The following ENOX2 variants were observed in gnomAD, a reference collection of about 807,000 sequenced individuals.
ENOX2 encodes the protein APK1 antigen.
A neutral mutation model predicts 45.0 loss-of-function variants in ENOX2; 36 were observed. That is an observed-to-expected ratio of 0.80 (90% confidence interval 0.61 to 1.06). The LOEUF (loss-of-function observed/expected upper bound fraction) is 1.06. Ranked by LOEUF, ENOX2 falls within the 50% of genes least tolerant of loss-of-function variation. The pLI is 0.00. For missense variants in ENOX2, 423 were observed against 462.5 expected (o/e 0.91, Z 0.78); for synonymous variants, 174 against 152.3 (o/e 1.14, Z -1.05).
intron 2 of ENOX2, among the ~76,000 whole-genome samples, chrX:130,896,312 T>C (rs1441113217): frequency 9.0e-6 from 1 of 111,122 alleles, no homozygotes; most frequent in African/African-American, 3.3e-5. Context: ...CATTTGCTTA[T>C]CAGCTATCTG....
intron 3 of ENOX2, among the ~76,000 whole-genome samples, chrX:130,774,518 T>C (rs2039808904): frequency 8.9e-6 from 1 of 112,033 alleles, no homozygotes; most frequent in Non-Finnish European, 1.9e-5. Context: ...AATAATATAT[T>C]TGAAATACAT....
At chrX:130,741,652 C>T (rs2038983939) in intron 3 of ENOX2, among the ~76,000 whole-genome samples, 1 of 111,360 alleles carries the variant, frequency 9.0e-6, no homozygotes, top group South Asian at 3.8e-4. Flanking sequence ...ACAACATAAT[C>T]CCAGGAAAGA....
intron 3 of ENOX2, among the ~76,000 whole-genome samples, chrX:130,762,415 C>CA (rs936717621): frequency 1.8e-5 from 2 of 110,539 alleles, no homozygotes; most frequent in African/African-American, 6.6e-5. Context: ...CCTGTCACTA[C>CA]AAAAAAAAAT....
At chrX:130,864,932 A>T (rs2078467898) in intron 2 of ENOX2, among the ~76,000 whole-genome samples, 2 of 111,149 alleles carry the variant, frequency 1.8e-5, no homozygotes. Flanking sequence ...GAATTGCTTG[A>T]ACACGGGAGG....
chrX:130,759,270 A>G (rs760563786), intron 3 of ENOX2, among the ~76,000 whole-genome samples: 1 of 111,175 alleles, frequency 9.0e-6, no homozygotes, highest in East Asian at 2.8e-4. Context: ...TTACCCATGG[A>G]TGTCCAATTT....
At chrX:130,837,134 C>CA (rs1473874819) in intron 2 of ENOX2, among the ~76,000 whole-genome samples, 1 of 112,253 alleles carries the variant, frequency 8.9e-6, no homozygotes. Flanking sequence ...ATTTGGATTA[C>CA]AAATTATTAC....
At chrX:130,779,997 A>G (rs2039935587) in intron 3 of ENOX2, among the ~76,000 whole-genome samples, 2 of 111,799 alleles carry the variant, frequency 1.8e-5, no homozygotes, top group Admixed American at 9.5e-5. Flanking sequence ...TGTACTAGGC[A>G]CTGACAGTTG....
At chrX:130,695,121 T>C (rs2037721952) in intron 4 of ENOX2, among the ~76,000 whole-genome samples, 1 of 111,880 alleles carries the variant, frequency 8.9e-6, no homozygotes, top group African/African-American at 3.3e-5. Context: ...CACAGTTTCA[T>C]AGAGAAAGAC....
intron 4 of ENOX2, among the ~76,000 whole-genome samples, chrX:130,700,370 CT>C (rs1406208310): frequency 2.7e-4 from 30 of 112,269 alleles, no homozygotes; most frequent in African/African-American, 9.4e-4. Context: ...TTAACTTTCC[CT>C]GGAGCATGGT....
At position 130,747,983 on chromosome X, in the gene ENOX2, T is replaced by C. The variant is rs139552291; in HGVS notation, c.-39+35564A>G. 5.0e-3 allele frequency among the ~76,000 whole-genome samples: 560 copies of C among 112,288 alleles called. 2 individuals carry two copies. Among genetic ancestry groups the C allele is most frequent in the African/African-American group, 0.017 (537 of 30,904 alleles). On this transcript the variant is annotated intron_variant, in intron 3 of 14. Coordinates refer to ENST00000394363, the MANE Select transcript of ENOX2 (RefSeq NM_006375.4). ...GATTACAAGCAAATGTAGAGTTACA[T>C]AGTTAGAGGAAAATACTCATTAGGC...
intron 2 of ENOX2, among the ~76,000 whole-genome samples, chrX:130,815,784 T>C (rs1471066054): frequency 8.9e-6 from 1 of 111,922 alleles, no homozygotes; most frequent in East Asian, 2.8e-4. Flanking sequence ...TACCAGCCAC[T>C]GCAAAAACAT....
chrX:130,879,976 C>T (rs1259775389), intron 2 of ENOX2, among the ~76,000 whole-genome samples: 3 of 111,852 alleles, frequency 2.7e-5, no homozygotes, highest in African/African-American at 9.7e-5. Flanking sequence ...CTTTAGTCCT[C>T]AAAACAAAAG....
chrX:130,888,141 G>A (rs2078938353), intron 2 of ENOX2, among the ~76,000 whole-genome samples: 1 of 111,642 alleles, frequency 9.0e-6, no homozygotes, highest in African/African-American at 3.3e-5. Context: ...ATTTAACACT[G>A]AAAAACAAAT....
At chrX:130,694,996 T>C (rs181242348) in intron 4 of ENOX2, among the ~76,000 whole-genome samples, 1 of 112,078 alleles carries the variant, frequency 8.9e-6, no homozygotes, top group East Asian at 2.8e-4. Flanking sequence ...TAATATTCCC[T>C]ATTTTACAGA....
At position 130,736,006 on chromosome X, in the gene ENOX2, CTTTCTTCACATT is replaced by C. The variant is rs753506654; in HGVS notation, c.-38-32764_-38-32753del. Reference sequence around the variant, plus strand: ...TGTGATTGTGAATGATTTTTCACATCTTTCTTCACATTTTTCTTCTAAATTTTTAAGCAGTAG... The same window carrying C: ...TGTGATTGTGAATGATTTTTCACATCTTTCTTCTAAATTTTTAAGCAGTAG... On this transcript the variant is annotated intron_variant, in intron 3 of 14. Coordinates refer to ENST00000394363, the MANE Select transcript of ENOX2 (RefSeq NM_006375.4). Among the ~76,000 whole-genome samples the C allele has an allele frequency of 1.7e-3, 189 of 111,938 alleles. 1 individual carries two copies. The highest frequency in any genetic ancestry group is 2.7e-3 in the Non-Finnish European group (146 of 53,187).
chrX:130,703,740 C>G (rs2037965900), intron 3 of ENOX2, among the ~76,000 whole-genome samples: 1 of 111,508 alleles, frequency 9.0e-6, no homozygotes, highest in Admixed American at 9.6e-5. Context: ...ATCTTTGAAG[C>G]AGTACTATTG....
intron 5 of ENOX2, among the ~76,000 whole-genome samples, chrX:130,686,789 A>T (rs2037459764): frequency 8.9e-6 from 1 of 112,230 alleles, no homozygotes; most frequent in South Asian, 3.8e-4. Flanking sequence ...GCCCACTTTG[A>T]ACAAAACTCA....
At chrX:130,887,406 T>A (rs1047442556) in intron 2 of ENOX2, among the ~76,000 whole-genome samples, 1 of 109,033 alleles carries the variant, frequency 9.2e-6, no homozygotes, top group Non-Finnish European at 1.9e-5. Flanking sequence ...TAATTCAGCT[T>A]AGATCTGACG....
At chrX:130,753,100 ACTCT>A (rs1275595406) in intron 3 of ENOX2, among the ~76,000 whole-genome samples, 2 of 104,542 alleles carry the variant, frequency 1.9e-5, no homozygotes, top group African/African-American at 3.5e-5. Flanking sequence ...TGCCAATTTT[ACTCT>A]CTCTCTTTTC....
Sources: allele counts gnomAD v4.1 joint callset (sites outside exome capture counted in the v4.1 genomes callset), GRCh38; gene constraint gnomAD v4.1.1; transcripts MANE v1.5; gene names NCBI Gene and HGNC (gene_info 2026-07-23, HGNC 2026-07-21).